The following PAK3 variants were observed in gnomAD, a reference collection of about 807,000 sequenced individuals.
PAK3 encodes p21 (RAC1) activated kinase 3, also known as serine/threonine-protein kinase PAK 3.
Under a neutral mutation model 41.0 loss-of-function variants are expected in PAK3, and 4 were observed. The ratio of observed to expected loss-of-function variants is 0.10; its 90% CI spans 0.05 to 0.22. The LOEUF is 0.22. Among genes scored for constraint, PAK3 ranks in the 10% least tolerant of loss-of-function variants. The probability of loss-of-function intolerance (pLI) is 1.00; values close to 1 mark genes in which losing one functional copy is unlikely to be tolerated. For missense variants in PAK3, 205 were observed against 409.9 expected, an observed-to-expected ratio of 0.50 and a Z score of 4.32; for synonymous variants, 146 against 139.6, an observed-to-expected ratio of 1.05 and a Z score of -0.32.
At chrX:111,100,325 C>T (rs763362874) in intron 3 of PAK3, among the ~76,000 whole-genome samples, 2 of 111,404 alleles carry the variant, frequency 1.8e-5, no homozygotes, top group African/African-American at 3.3e-5. Context: ...GAATTCAGCA[C>T]CCTAAAAGAA....
intron 1 of PAK3, among the ~76,000 whole-genome samples, chrX:111,005,203 C>G (rs2091904138): frequency 9.0e-6 from 1 of 111,440 alleles, no homozygotes. Context: ...AGCTCACTTT[C>G]TTTGGCTGCA....
intron 4 of PAK3, among the ~76,000 whole-genome samples, chrX:111,115,915 A>G (rs185359341): frequency 1.6e-3 from 178 of 111,834 alleles, no homozygotes; most frequent in Middle Eastern, 0.014. Context: ...ATGATGAGCC[A>G]TGATGCACAG....
chrX:110,975,338 A>G (rs1048200747), intron 1 of PAK3, among the ~76,000 whole-genome samples: 1 of 112,116 alleles, frequency 8.9e-6, no homozygotes, highest in African/African-American at 3.2e-5. Context: ...GAGCTAACTC[A>G]TAAGTGAACT....
At position 111,219,689 on chromosome X, in the gene PAK3, G is replaced by C. The variant is rs1037448340; in HGVS notation, c.1546-669G>C. ...GTCATCTCCATAAAGCTGATGGTGG[G>C]TTGAAACCATGAAAGAGAATGACAT... On this transcript the variant is annotated intron_variant, in intron 17 of 17. Coordinates refer to ENST00000372007, the MANE Select transcript of PAK3 (RefSeq NM_002578.5). Among the ~76,000 whole-genome samples, 18 of 111,127 alleles carry C rather than the reference G, an allele frequency of 1.6e-4. 1 individual carries two copies. Among genetic ancestry groups the C allele is most frequent in the Non-Finnish European group, 7.5e-5 (4 of 53,101 alleles).
intron 1 of PAK3, among the ~76,000 whole-genome samples, chrX:111,027,993 ATG>A (rs1241982171): frequency 9.4e-6 from 1 of 106,667 alleles, no homozygotes; most frequent in African/African-American, 3.4e-5. Flanking sequence ...TATAATATAT[ATG>A]TGTGTGTGTG....
intron 1 of PAK3, among the ~76,000 whole-genome samples, chrX:111,007,715 C>A (rs758949288): frequency 8.9e-6 from 1 of 111,842 alleles, no homozygotes; most frequent in African/African-American, 3.2e-5. Context: ...TAGCTCCTTT[C>A]CCCTCTGCCT....
At chrX:111,015,223 T>C (rs1183861874) in intron 1 of PAK3, among the ~76,000 whole-genome samples, 1 of 110,740 alleles carries the variant, frequency 9.0e-6, no homozygotes, top group Non-Finnish European at 1.9e-5. Context: ...GACTGGCTTC[T>C]TTCATTTATC....
intron 11 of PAK3, among the ~76,000 whole-genome samples, chrX:111,188,578 A>C (rs1004593146): frequency 1.3e-4 from 15 of 112,117 alleles, no homozygotes; most frequent in African/African-American, 4.9e-4. Context: ...GTCCTTTTGG[A>C]AATAGGGGCA....
intron 7 of PAK3, among the ~76,000 whole-genome samples, chrX:111,151,038 A>G (rs764282918): frequency 6.3e-5 from 7 of 111,830 alleles, no homozygotes; most frequent in Non-Finnish European, 1.3e-4. Flanking sequence ...AAATTGGACT[A>G]TTGCTTAACT....
intron 1 of PAK3, among the ~76,000 whole-genome samples, chrX:111,001,620 A>G (rs1436199000): frequency 8.9e-6 from 1 of 112,426 alleles, no homozygotes. Context: ...ATTATCAAAA[A>G]TTCTCGACTT....
In PAK3 at chrX:111,029,206, A is replaced by G. The variant is rs925259827; in HGVS notation, c.-28+84578A>G. Among the ~76,000 whole-genome samples, 6 of 112,097 alleles carry G rather than the reference A, an allele frequency of 5.4e-5. No individual in the cohort carries two copies. The East Asian group carries it at 1.7e-3, about 31-fold the overall frequency. On this transcript the variant is annotated intron_variant, in intron 1 of 14. Transcript: ENST00000425146. ...CCTTTGAGCAGATCACAATCAACAA[A>G]GAGAAGCCTATAGGCAATGATAAAA... is the stretch of plus-strand genomic sequence containing the variant.
chrX:111,080,908 G>T (rs1276576721), intron 1 of PAK3, among the ~76,000 whole-genome samples: 1 of 111,889 alleles, frequency 8.9e-6, no homozygotes, highest in African/African-American at 3.2e-5. Flanking sequence ...CCTTAAAAAG[G>T]AAGGTATTCC....
chrX:111,118,261 A>G (rs755281014), intron 4 of PAK3, among the ~76,000 whole-genome samples: 1 of 111,412 alleles, frequency 9.0e-6, no homozygotes, highest in Admixed American at 9.6e-5. Flanking sequence ...TAAATAACGC[A>G]TCTAAGATAA....
intron 1 of PAK3, among the ~76,000 whole-genome samples, chrX:111,078,271 GTT>G (rs780552414): frequency 1.1e-5 from 1 of 94,646 alleles, no homozygotes. Flanking sequence ...GTTTTGTTTT[GTT>G]TTTTTTTTTT....
rs2093033464 is a variant in PAK3, at chrX:111,097,685, G to A, written c.-176+1G>A. 1 of 111,038 alleles carries A rather than the reference G, an allele frequency of 9.0e-6. No homozygotes were observed. Among genetic ancestry groups the A allele is most frequent in the African/African-American group, 3.3e-5 (1 of 30,437 alleles). 9.2% of individuals were successfully genotyped at this position (111,038 alleles called of 1,213,427 possible). A position where few individuals can be genotyped will look rare whatever the true frequency, so the allele number is the denominator to read the frequency against. ...GTTCTGGGATGAGCAAGGTGTAAAG[G>A]TCAGTGCGGTTTTCACTGGGCCATT... On this transcript the variant is annotated splice_donor_variant, in intron 3 of 17. Transcript: ENST00000372007. LOFTEE classifies it low-confidence loss of function (5UTR_SPLICE).
chrX:111,217,442 T>G (rs1388579521), intron 17 of PAK3: 6 of 789,247 alleles, frequency 7.6e-6, no homozygotes, highest in Non-Finnish European at 1.0e-5. Context: ...ATAAGCCAAT[T>G]AAACAGAAGG....
At chrX:111,182,865 G>A (rs766035858) in intron 11 of PAK3, among the ~76,000 whole-genome samples, 78 of 111,008 alleles carry the variant, frequency 7.0e-4, no homozygotes, top group African/African-American at 2.3e-3. Context: ...TAATTGAGTC[G>A]GCAAACAGAA....
intron 3 of PAK3, among the ~76,000 whole-genome samples, chrX:111,099,654 G>A (rs1189905799): frequency 3.8e-5 from 4 of 105,129 alleles, no homozygotes; most frequent in Non-Finnish European, 7.9e-5. Context: ...ACCAGGAACT[G>A]GGGTGGAATG....
intron 6 of PAK3, among the ~76,000 whole-genome samples, chrX:111,143,433 C>T (rs748145422): frequency 3.1e-4 from 35 of 111,150 alleles, no homozygotes; most frequent in Middle Eastern, 4.6e-3. Flanking sequence ...ATTATTTCTG[C>T]GTTCTCAGTA....
Sources: gnomAD v4.1 joint callset for allele counts (sites outside exome capture counted in the v4.1 genomes callset) on GRCh38, gnomAD v4.1.1 for gene constraint, MANE v1.5 for transcripts, NCBI Gene and HGNC (gene_info 2026-07-23, HGNC 2026-07-21) for gene names.